SLC41A3: variants seen among roughly 807,000 people sequenced by gnomAD.
SLC41A3 encodes the protein solute carrier family 41 member 3, also known as SLC41A1-like 2.
Under a neutral mutation model 45.4 loss-of-function variants are expected in SLC41A3, and 44 were observed. That is an observed-to-expected ratio of 0.97 (90% confidence interval 0.76 to 1.25). The LOEUF (loss-of-function observed/expected upper bound fraction) is 1.25. SLC41A3 is among the 50% of genes most tolerant of loss of function. The probability of loss-of-function intolerance (pLI) is 0.00; values close to 1 mark genes in which losing one functional copy is unlikely to be tolerated. For synonymous variants in SLC41A3, 256 were observed against 252.4 expected (o/e 1.01, Z -0.13); for missense variants, 550 against 600.6 (o/e 0.92, Z 0.88).
At chr3:126,015,246 C>T (rs963739756) in intron 8 of SLC41A3, among the ~76,000 whole-genome samples, 5 of 152,198 alleles carry the variant, frequency 3.3e-5, no homozygotes, top group African/African-American at 1.2e-4. Flanking sequence ...AGCTTATGTC[C>T]CAGGGCTGCC....
chr3:126,069,226 C>T (rs188805776), intron 1 of SLC41A3, among the ~76,000 whole-genome samples: 1 of 152,206 alleles, frequency 6.6e-6, no homozygotes, highest in African/African-American at 2.4e-5. Flanking sequence ...GTTTGTACCT[C>T]CTGGACACTT....
At chr3:126,029,474 C>G (rs533369687) in intron 4 of SLC41A3, among the ~76,000 whole-genome samples, 7 of 151,006 alleles carry the variant, frequency 4.6e-5, no homozygotes, top group Admixed American at 2.6e-4. Flanking sequence ...AGAAGCCAAG[C>G]AGATCCCAGT....
At chr3:126,056,467 T>C (rs774474419) in intron 2 of SLC41A3, 7 of 1,614,060 alleles carry the variant, frequency 4.3e-6, no homozygotes, top group East Asian at 4.5e-5. Flanking sequence ...CAAGACCCCA[T>C]GTGGGGACCG....
intron 9 of SLC41A3, among the ~76,000 whole-genome samples, chr3:126,011,309 G>C (rs1221521512): frequency 6.6e-6 from 1 of 152,166 alleles, no homozygotes; most frequent in East Asian, 1.9e-4. Flanking sequence ...AAAAGTCCCA[G>C]ACAACTCAGT....
intron 10 of SLC41A3, 69 bp downstream of exon 10, chr3:126,008,663 C>T (rs1427214648): frequency 8.8e-6 from 14 of 1,588,374 alleles, no homozygotes; most frequent in Non-Finnish European, 1.2e-5. Flanking sequence ...GCCTCTCACT[C>T]AGACAAGAGA....
chr3:126,031,927 C>T (rs1941824053), intron 4 of SLC41A3, among the ~76,000 whole-genome samples: 1 of 152,240 alleles, frequency 6.6e-6, no homozygotes, highest in South Asian at 2.1e-4. Context: ...CTGTGGGCAG[C>T]AGACATGTAA....
At chr3:126,056,740 T>C (rs559877747) in intron 2 of SLC41A3, 7 of 1,422,316 alleles carry the variant, frequency 4.9e-6, no homozygotes, top group Middle Eastern at 5.2e-4. Flanking sequence ...CCAGCACAGA[T>C]GAGTGAGGAA....
intron 9 of SLC41A3, among the ~76,000 whole-genome samples, chr3:126,011,787 G>T (rs577584616): frequency 6.6e-6 from 1 of 152,308 alleles, no homozygotes; most frequent in African/African-American, 2.4e-5. Context: ...TCAAGTGTTT[G>T]AAAACAACTA....
At chr3:126,088,912 A>G (rs1172475264), upstream of SLC41A3, among the ~76,000 whole-genome samples, 3 of 152,214 alleles carry the variant, frequency 2.0e-5, no homozygotes, top group African/African-American at 7.2e-5. Context: ...ATGAGTATAT[A>G]TGATCCAAAT....
At chr3:126,076,899 G>A (rs1010152914) in intron 1 of SLC41A3, among the ~76,000 whole-genome samples, 1 of 152,170 alleles carries the variant, frequency 6.6e-6, no homozygotes, top group African/African-American at 2.4e-5. Flanking sequence ...ATTCAGCCAT[G>A]CTGCCGAATC....
chr3:126,064,710 G>A (rs1944261628), intron 2 of SLC41A3, among the ~76,000 whole-genome samples: 1 of 152,096 alleles, frequency 6.6e-6, no homozygotes. Flanking sequence ...TAGACCGCTC[G>A]GTGTCTCTGT....
At chr3:126,060,843 C>T (rs1944026580) in intron 2 of SLC41A3, among the ~76,000 whole-genome samples, 1 of 152,230 alleles carries the variant, frequency 6.6e-6, no homozygotes, top group African/African-American at 2.4e-5. Context: ...GGGCCTCCAA[C>T]CCACCCCACA....
At chr3:126,023,467 T>C (rs11916772) in intron 5 of SLC41A3, 17,695 of 153,616 alleles carry the variant, frequency 0.12, 3,058 homozygotes, top group African/African-American at 0.38. Flanking sequence ...TCAACACAGT[T>C]AGGGCACAGG....
chr3:126,044,723 A>G (rs6806332), intron 3 of SLC41A3, among the ~76,000 whole-genome samples: 106,107 of 150,388 alleles, frequency 0.71, 37,632 homozygotes, highest in East Asian at 0.82. Flanking sequence ...GTGAAACCCC[A>G]TCTCTACTAA....
chr3:126,075,259 T>C (rs1489249366), intron 1 of SLC41A3, among the ~76,000 whole-genome samples: 2 of 152,204 alleles, frequency 1.3e-5, no homozygotes, highest in East Asian at 1.9e-4. Context: ...TTTATTTTTA[T>C]ACACTAATAA....
At position 126,067,954 on chromosome 3, in the gene SLC41A3, T is replaced by C. The variant is rs199590697; in HGVS notation, c.266A>G (p.Tyr89Cys). 2.6e-5 allele frequency: 42 copies of C among 1,594,468 alleles called. 1 individual carries two copies. Among genetic ancestry groups the C allele is most frequent in the South Asian group, 2.5e-4 (22 of 89,012 alleles). Residue 89 changes from tyrosine (Y) to cysteine (C), a missense_variant, in exon 2 of 11, where the codon TAT becomes TGT. Physicochemically the swap from Tyr to Cys is radical, Grantham distance 194. Transcript: ENST00000360370. ...CATTTAGTTCCCTCTTACCTGGAAATAGTCCAGAAGCATGCCGGCCCAGGA... is the reference window on the plus strand; with the variant it reads ...CATTTAGTTCCCTCTTACCTGGAAACAGTCCAGAAGCATGCCGGCCCAGGA... ...GLSWAGMLLD[Y>C]FQHWPVFVEV...
At chr3:126,010,558 TAACTCTATTCCAACA>T (rs776290623) in intron 9 of SLC41A3, among the ~76,000 whole-genome samples, 7 of 152,266 alleles carry the variant, frequency 4.6e-5, no homozygotes, top group South Asian at 2.1e-4. Flanking sequence ...TTTCAGACAA[TAACTCTATTCCAACA>T]AACTCTATTC....
chr3:126,010,327 T>C (rs779983951), intron 9 of SLC41A3, among the ~76,000 whole-genome samples: 1 of 152,104 alleles, frequency 6.6e-6, no homozygotes, highest in Non-Finnish European at 1.5e-5. Context: ...ACAAAATTAG[T>C]TGGGTATGGT....
intron 3 of SLC41A3, among the ~76,000 whole-genome samples, chr3:126,045,889 A>G (rs1942926295): frequency 6.6e-6 from 1 of 152,190 alleles, no homozygotes; most frequent in African/African-American, 2.4e-5. Context: ...ATACAACAGT[A>G]TATTAAAAGG....
Sources: allele counts gnomAD v4.1 joint callset (sites outside exome capture counted in the v4.1 genomes callset), GRCh38; gene constraint gnomAD v4.1.1; transcripts MANE v1.5; gene names NCBI Gene and HGNC (gene_info 2026-07-23, HGNC 2026-07-21).